ECD: variants seen among roughly 807,000 people sequenced by gnomAD.
ECD encodes ecdysoneless cell cycle regulator.
In ECD, 59 loss-of-function variants were observed where a neutral mutation model predicts 77.2. The observed-to-expected ratio is 0.76, with a 90% CI of 0.62 to 0.95. ECD has a LOEUF of 0.95. ECD is among the 40% of genes least tolerant of loss of function. The probability of loss-of-function intolerance (pLI) is 0.00; values close to 1 mark genes in which losing one functional copy is unlikely to be tolerated. For missense variants in ECD, 704 were observed against 763.4 expected (o/e 0.92, Z 0.92); for synonymous variants, 233 against 267.4 (o/e 0.87, Z 1.26).
chr10:73,142,614 C>CA (rs1843073464), intron 9 of ECD, among the ~76,000 whole-genome samples: 1 of 122,250 alleles, frequency 8.2e-6, no homozygotes, highest in South Asian at 2.6e-4. Context: ...AGCCTGGTGA[C>CA]AGAGAGAGAC....
At position 73,136,931 on chromosome 10, in the gene ECD, CAAGA is replaced by C. The variant is rs1564658944; in HGVS notation, c.1490-17_1490-14del. ...TTAGGCCTTGGCCCTACACAGATCC[CAAGA>C]AAGAAAGAGCCACTTAGTAATTATT... is the stretch of plus-strand genomic sequence containing the variant. On this transcript the variant is annotated splice_polypyrimidine_tract_variant and intron_variant, in intron 12 of 13. Coordinates refer to ENST00000372979, the MANE Select transcript of ECD (RefSeq NM_007265.3). 1.4e-6 allele frequency: 2 copies of C among 1,438,182 alleles called. No homozygotes were observed. The highest frequency in any genetic ancestry group is 1.8e-6 in the Non-Finnish European group (2 of 1,086,074). The allele number at this position is 1,438,182 out of a possible 1,614,324, so 89.1% of individuals were successfully genotyped here. A position where few individuals can be genotyped will look rare whatever the true frequency, so the allele number is the denominator to read the frequency against.
intron 3 of ECD, among the ~76,000 whole-genome samples, chr10:73,159,121 GT>G (rs1275700886): frequency 6.6e-6 from 1 of 152,094 alleles, no homozygotes; most frequent in Non-Finnish European, 1.5e-5. Flanking sequence ...GTTTTCAAAG[GT>G]TTTTTTCTCC....
At chr10:73,160,813 G>C (rs1046286147) in intron 2 of ECD, among the ~76,000 whole-genome samples, 1 of 152,198 alleles carries the variant, frequency 6.6e-6, no homozygotes, top group Non-Finnish European at 1.5e-5. Flanking sequence ...GGGGATATCT[G>C]TGCTATGCTT....
In ECD at chr10:73,163,959, A is replaced by G. The variant is rs751018547; in HGVS notation, c.-13-9T>C. 1.9e-6 allele frequency: 3 copies of G among 1,611,216 alleles called. No individual in the cohort carries two copies. The South Asian group carries it at 3.3e-5, about 18-fold the overall frequency. On this transcript the variant is annotated splice_polypyrimidine_tract_variant and intron_variant, in intron 1 of 13. Transcript: ENST00000372979. ...CCATTCTTCTTTGAAAACTATGTTTAAAGTTCCAAAATATAAACCACATAG... is the reference window on the plus strand; with the variant it reads ...CCATTCTTCTTTGAAAACTATGTTTGAAGTTCCAAAATATAAACCACATAG...
chr10:73,142,464 C>CT (rs1244367219), intron 9 of ECD, among the ~76,000 whole-genome samples: 5 of 151,824 alleles, frequency 3.3e-5, no homozygotes, highest in African/African-American at 1.2e-4. Context: ...GAAACCCTGT[C>CT]TGTGCTAAAA....
At chr10:73,140,419 T>C (rs1311242498) in intron 9 of ECD, among the ~76,000 whole-genome samples, 1 of 151,076 alleles carries the variant, frequency 6.6e-6, no homozygotes, top group Admixed American at 6.6e-5. Flanking sequence ...CCAGGCACAG[T>C]GGCTCATGCC....
chr10:73,139,232 AAG>A (rs1843017353), intron 11 of ECD, 75 bp downstream of exon 11: 2 of 1,397,610 alleles, frequency 1.4e-6, no homozygotes, highest in South Asian at 3.2e-5. Context: ...AAAAAAAAAA[AAG>A]TGGAAATGGC....
In ECD at chr10:73,167,195, C is replaced by T. The variant is rs138972347; in HGVS notation, c.-14+671G>A. On this transcript the variant is annotated intron_variant, in intron 1 of 13. Coordinates refer to ENST00000372979, the MANE Select transcript of ECD (RefSeq NM_007265.3). ...TGCCAGTGCCATGCTGTTTTGGTTACTATAACTCTGTTGTATAATCTGAAG... is the reference window on the plus strand; with the variant it reads ...TGCCAGTGCCATGCTGTTTTGGTTATTATAACTCTGTTGTATAATCTGAAG... 2.6e-3 allele frequency among the ~76,000 whole-genome samples: 402 copies of T among 152,282 alleles called. 1 individual carries two copies. The highest frequency in any genetic ancestry group is 9.2e-3 in the African/African-American group (383 of 41,538).
chr10:73,149,471 C>T (rs1843173800), intron 7 of ECD, among the ~76,000 whole-genome samples: 1 of 152,180 alleles, frequency 6.6e-6, no homozygotes. Flanking sequence ...CAGCAAGCTG[C>T]AGTTGGCAAT....
intron 3 of ECD, 120 bp from the exon 4 acceptor site, chr10:73,156,775 T>C: frequency 1.1e-6 from 1 of 913,656 alleles, no homozygotes; most frequent in Non-Finnish European, 1.7e-6. Flanking sequence ...ATGTACTATG[T>C]GCAGATGGCT....
chr10:73,160,790 T>C (rs1843365412), intron 2 of ECD, among the ~76,000 whole-genome samples: 1 of 151,984 alleles, frequency 6.6e-6, no homozygotes, highest in Non-Finnish European at 1.5e-5. Flanking sequence ...AACGGCTATG[T>C]GAGTATAAAG....
rs771789154 is a variant in ECD, at chr10:73,152,329, A to G, written c.876T>C (p.Asp292=). Residue 292 remains aspartate, a synonymous_variant, in exon 7 of 14, where the codon GAT becomes GAC. Transcript: ENST00000372979. ...RSGYRLPPPS[D]PQYRAHELGM... ...CCAATTCATGGGCTCGGTACTGGGG[A>G]TCAGATGGAGGAGGCAGCCTGTATC... 6.2e-7 allele frequency: 1 copy of G among 1,613,890 alleles called. No homozygotes were observed. Among genetic ancestry groups the G allele is most frequent in the Non-Finnish European group, 8.5e-7 (1 of 1,179,858 alleles).
At position 73,154,416 on chromosome 10, in the gene ECD, C is replaced by G. The variant is rs776043538; in HGVS notation, c.623G>C (p.Arg208Pro). Reference protein sequence around the residue: ...YPEKIQASLHRAHCFLPAGIV... With the variant: ...YPEKIQASLHPAHCFLPAGIV... ...GCCAGCTGGAAGGAAGCAGTGTGCT[C>G]GATGAAGTGAGGCCTGAATTTTTTC... is the stretch of plus-strand genomic sequence containing the variant. The change falls in exon 6 of 14, where the codon CGA becomes CCA. Residue 208 changes from arginine to proline, a missense_variant. This residue lies in a region of ECD where 559 missense variants were observed against 583.7 expected (regional missense o/e 0.96). Coordinates refer to ENST00000372979, the MANE Select transcript of ECD (RefSeq NM_007265.3). The G allele has an allele frequency of 6.2e-7, 1 of 1,611,358 alleles. No individual in the cohort carries two copies.
intron 3 of ECD, among the ~76,000 whole-genome samples, chr10:73,157,950 T>C (rs1033619403): frequency 9.1e-6 from 1 of 109,976 alleles, no homozygotes. Context: ...ATTTTTATTA[T>C]TTTATTTTAT....
chr10:73,152,425 G>T lies in ECD; in HGVS notation c.784-4C>A. ...ATAGACATTTAGTGAATGTGACCTGGGCATCAAGACACAAAATACATGAGT... is the reference window on the plus strand; with the variant it reads ...ATAGACATTTAGTGAATGTGACCTGTGCATCAAGACACAAAATACATGAGT... On this transcript the variant is annotated splice_polypyrimidine_tract_variant and splice_region_variant and intron_variant, in intron 6 of 13. Transcript: ENST00000372979. 6.8e-6 allele frequency: 11 copies of T among 1,610,192 alleles called. No individual in the cohort carries two copies. Among genetic ancestry groups the T allele is most frequent in the Non-Finnish European group, 9.3e-6 (11 of 1,177,086 alleles).
chr10:73,157,118 C>T lies in ECD; in HGVS notation c.324-463G>A, dbSNP rs1345706276. 2.0e-5 allele frequency among the ~76,000 whole-genome samples: 3 copies of T among 151,554 alleles called. No homozygotes were observed. In the South Asian group the frequency reaches 6.3e-4, roughly 32 times the overall value. ...AGGCTAGAGTGCAGTGGTATGATCTCGGCTCACTGCAACCTCCACCTCTTG... is the reference window on the plus strand; with the variant it reads ...AGGCTAGAGTGCAGTGGTATGATCTTGGCTCACTGCAACCTCCACCTCTTG... On this transcript the variant is annotated intron_variant, in intron 3 of 13. Coordinates refer to ENST00000372979, the MANE Select transcript of ECD (RefSeq NM_007265.3).
Position 73,136,686 on chromosome 10 carries a change from G to A in ECD, c.1704+18C>T, listed in dbSNP as rs976193635. 12 of 1,610,324 alleles carry A rather than the reference G, an allele frequency of 7.5e-6. No individual in the cohort carries two copies. The highest frequency in any genetic ancestry group is 1.0e-5 in the Non-Finnish European group (12 of 1,177,080). ...CATACTAGACTCAGAAAGAGAAAGA[G>A]GTTAAAAACACACATACCACTTGGT... On this transcript the variant is annotated intron_variant, in intron 13 of 13. Transcript: ENST00000372979.
chr10:73,143,303 G>C (rs1161379560), intron 9 of ECD, among the ~76,000 whole-genome samples: 2 of 152,048 alleles, frequency 1.3e-5, no homozygotes, highest in African/African-American at 4.8e-5. Context: ...CGAGCAGCTG[G>C]GATTACAGGG....
At chr10:73,146,831 T>C (rs927873438) in intron 8 of ECD, among the ~76,000 whole-genome samples, 1 of 151,984 alleles carries the variant, frequency 6.6e-6, no homozygotes, top group African/African-American at 2.4e-5. Flanking sequence ...CAAAACAAAG[T>C]ACAGAAAGTT....
Sources: gnomAD v4.1 joint callset for allele counts (sites outside exome capture counted in the v4.1 genomes callset) on GRCh38, gnomAD v4.1.1 for gene constraint, gnomAD v4.1.1 regional missense constraint, MANE v1.5 for transcripts, NCBI Gene and HGNC (gene_info 2026-07-23, HGNC 2026-07-21) for gene names.